Variants in KLHL4 observed in about 807,000 individuals in gnomAD.
The protein encoded by KLHL4 is kelch like family member 4.
In KLHL4, 17 loss-of-function variants were observed where a neutral mutation model predicts 45.8. The observed-to-expected ratio is 0.37, with a 90% confidence interval of 0.25 to 0.56. KLHL4 has a LOEUF of 0.56. KLHL4 is among the 20% of genes least tolerant of loss of function. KLHL4 has a pLI of 0.79. For synonymous variants in KLHL4, 224 were observed against 189.9 expected (o/e 1.18, Z -1.47); for missense variants, 544 against 544.9 (o/e 1.00, Z 0.02).
intron 9 of KLHL4, among the ~76,000 whole-genome samples, chrX:87,646,132 C>T (rs942716439): frequency 2.1e-3 from 235 of 111,481 alleles, no homozygotes; most frequent in African/African-American, 7.0e-3. Flanking sequence ...AACTCAACCC[C>T]TTTTACAATA....
At chrX:87,556,037 G>C (rs1354995837) in intron 1 of KLHL4, among the ~76,000 whole-genome samples, 1 of 110,419 alleles carries the variant, frequency 9.1e-6, no homozygotes, top group African/African-American at 3.3e-5. Flanking sequence ...TTTTGAGTGA[G>C]TTTCTTAATC....
chrX:87,583,290 G>A (rs1011815975), intron 1 of KLHL4, among the ~76,000 whole-genome samples: 1 of 112,039 alleles, frequency 8.9e-6, no homozygotes, highest in African/African-American at 3.2e-5. Flanking sequence ...AGTCCAGCTG[G>A]CTTCACCTCT....
At chrX:87,612,640 G>A (rs903125730) in intron 1 of KLHL4, among the ~76,000 whole-genome samples, 8 of 111,551 alleles carry the variant, frequency 7.2e-5, no homozygotes, top group South Asian at 3.7e-4. Context: ...CATATTTTAC[G>A]CTATAATCAC....
intron 1 of KLHL4, among the ~76,000 whole-genome samples, chrX:87,570,796 G>A (rs745403089): frequency 1.1e-4 from 12 of 111,013 alleles, no homozygotes; most frequent in Admixed American, 1.9e-4. Flanking sequence ...AAGGCGAAGT[G>A]TATGAAATAG....
intron 1 of KLHL4, among the ~76,000 whole-genome samples, chrX:87,556,778 G>A (rs55949468): frequency 0.25 from 27,848 of 110,639 alleles, 2,969 homozygotes; most frequent in East Asian, 0.51. Flanking sequence ...GCTACCATGT[G>A]CCATATCACA....
chrX:87,571,182 G>A (rs1428837149), intron 1 of KLHL4, among the ~76,000 whole-genome samples: 1 of 110,792 alleles, frequency 9.0e-6, no homozygotes, highest in African/African-American at 3.3e-5. Context: ...TTAAACTGTA[G>A]TGTATAAATA....
In KLHL4 at chrX:87,614,029, G is replaced by A. The variant is rs1400885102; in HGVS notation, c.575G>A (p.Arg192His). 6 of 1,200,127 alleles carry A rather than the reference G, an allele frequency of 5.0e-6. No individual in the cohort carries two copies. Among genetic ancestry groups the A allele is most frequent in the Non-Finnish European group, 6.7e-6 (6 of 889,472 alleles). The change falls in exon 2 of 11, where the codon CGC becomes CAC. Residue 192 changes from arginine to histidine, a missense_variant. Transcript: ENST00000373119. ...GTGCTACTGATTGCAGGACACCTCC[G>A]CATCCCAGCCCATAGGTAAGTATTT... ...CDVLLIAGHL[R>H]IPAHRLVLSA...
At chrX:87,650,236 C>T (rs1003543639) in intron 9 of KLHL4, among the ~76,000 whole-genome samples, 1 of 111,047 alleles carries the variant, frequency 9.0e-6, no homozygotes, top group African/African-American at 3.3e-5. Context: ...GTTGAGGCTA[C>T]AGGCATGTGC....
intron 1 of KLHL4, among the ~76,000 whole-genome samples, chrX:87,583,726 A>G (rs1221538660): frequency 9.0e-6 from 1 of 111,558 alleles, no homozygotes; most frequent in Non-Finnish European, 1.9e-5. Context: ...TTCTGGCTTC[A>G]GGTAAGACTC....
At chrX:87,653,991 G>T (rs1228757302) in intron 9 of KLHL4, among the ~76,000 whole-genome samples, 1 of 110,490 alleles carries the variant, frequency 9.1e-6, no homozygotes, top group African/African-American at 3.3e-5. Flanking sequence ...GGAGTGTGGG[G>T]GTCGGGGAGA....
chrX:87,596,825 T>C (rs952605871), intron 1 of KLHL4, among the ~76,000 whole-genome samples: 8 of 112,505 alleles, frequency 7.1e-5, no homozygotes, highest in African/African-American at 2.3e-4. Context: ...ATCCAAATTC[T>C]GGGATATCGC....
intron 9 of KLHL4, among the ~76,000 whole-genome samples, chrX:87,662,573 C>A (rs891032007): frequency 1.8e-5 from 2 of 111,421 alleles, no homozygotes; most frequent in African/African-American, 3.3e-5. Flanking sequence ...CACAAGGAAA[C>A]TCAGCTTTTT....
At chrX:87,613,817 A>T (rs888208146) in intron 1 of KLHL4, 60 bp from the exon 2 acceptor site, 1 of 917,120 alleles carries the variant, frequency 1.1e-6, no homozygotes, top group African/African-American at 2.1e-5. Flanking sequence ...ATTAGAGAAA[A>T]ATTAAATTTT....
chrX:87,594,502 C>A, intron 1 of KLHL4, among the ~76,000 whole-genome samples: 1 of 111,614 alleles, frequency 9.0e-6, no homozygotes, highest in Non-Finnish European at 1.9e-5. Flanking sequence ...TAGTTTCACA[C>A]TTTATTTCTG....
At chrX:87,550,748 C>CA (rs1391335601) in intron 1 of KLHL4, among the ~76,000 whole-genome samples, 1 of 111,405 alleles carries the variant, frequency 9.0e-6, no homozygotes, top group Non-Finnish European at 1.9e-5. Flanking sequence ...GAATTAAAAA[C>CA]AAAAATCACA....
chrX:87,660,268 A>C (rs1924146648), intron 9 of KLHL4, among the ~76,000 whole-genome samples: 1 of 111,476 alleles, frequency 9.0e-6, no homozygotes, highest in African/African-American at 3.3e-5. Context: ...AAAATCCATA[A>C]TTGTATTCAA....
chrX:87,546,226 G>A (rs1931679120), intron 1 of KLHL4, among the ~76,000 whole-genome samples: 1 of 111,220 alleles, frequency 9.0e-6, no homozygotes, highest in South Asian at 3.8e-4. Flanking sequence ...GGCATATGAG[G>A]AAAAAATTGT....
Position 87,635,502 on chromosome X carries a change from A to G in KLHL4, c.1713-61A>G, listed in dbSNP as rs1323312051. 3.4e-6 allele frequency: 3 copies of G among 886,457 alleles called. No individual in the cohort carries two copies. The East Asian group carries it at 9.7e-5, about 29-fold the overall frequency. The allele number at this position is 886,457 out of a possible 1,213,427, so 73.1% of individuals were successfully genotyped here. A position where few individuals can be genotyped will look rare whatever the true frequency, so the allele number is the denominator to read the frequency against. Reference sequence around the variant, plus strand: ...TCTCTCACTCTCATTCTATGCATGCATTTTGTGTGTATATGTATACACACA... The same window carrying G: ...TCTCTCACTCTCATTCTATGCATGCGTTTTGTGTGTATATGTATACACACA... On this transcript the variant is annotated intron_variant, in intron 8 of 10. Coordinates refer to ENST00000373119, the MANE Select transcript of KLHL4 (RefSeq NM_019117.5).
At chrX:87,553,655 AT>A (rs1931889523) in intron 1 of KLHL4, among the ~76,000 whole-genome samples, 1 of 111,152 alleles carries the variant, frequency 9.0e-6, no homozygotes, top group Non-Finnish European at 1.9e-5. Flanking sequence ...CACATGTCAC[AT>A]TTGTGGCTAA....
Sources: gnomAD v4.1 joint callset for allele counts (sites outside exome capture counted in the v4.1 genomes callset) on GRCh38, gnomAD v4.1.1 for gene constraint, MANE v1.5 for transcripts, NCBI Gene and HGNC (gene_info 2026-07-23, HGNC 2026-07-21) for gene names.